Variants in SRSF7 observed in about 807,000 individuals in gnomAD.
SRSF7 encodes serine/arginine-rich splicing factor 7.
SRSF7 carries 15 observed loss-of-function variants against 42.2 expected under a neutral mutation model. The observed-to-expected ratio is 0.36, with a 90% confidence interval of 0.24 to 0.55. SRSF7 has a LOEUF of 0.55. Ranked by LOEUF, SRSF7 falls within the 20% of genes least tolerant of loss-of-function variation. The probability of loss-of-function intolerance (pLI) is 0.88; values close to 1 mark genes in which losing one functional copy is unlikely to be tolerated. For synonymous variants in SRSF7, 138 were observed against 107.9 expected, an observed-to-expected ratio of 1.28 and a Z score of -1.73; for missense variants, 181 against 305.9, an observed-to-expected ratio of 0.59 and a Z score of 3.04.
intron 1 of SRSF7, chr2:38,750,794 G>C (rs759508801): frequency 5.5e-6 from 1 of 181,354 alleles, no homozygotes; most frequent in Admixed American, 5.6e-5. Context: ...TGCCAATTTC[G>C]TTCTATCTCA....
chr2:38,748,239 T>C (rs1667776007), intron 4 of SRSF7, 82 bp from the exon 5 acceptor site: 2 of 1,040,460 alleles, frequency 1.9e-6, no homozygotes, highest in Admixed American at 4.3e-5. Context: ...AACGGTGCAG[T>C]GGCTCATGCC....
chr2:38,751,260 G>C lies in SRSF7; in HGVS notation c.-4C>G. On this transcript the variant is annotated 5_prime_UTR_variant, in exon 1 of 8. Transcript: ENST00000313117. Reference sequence around the variant, plus strand: ...CGTACCGCCCGTAACGCGACATGATGACAGACCCGCGTGCTCGGCTCTTTA... The same window carrying C: ...CGTACCGCCCGTAACGCGACATGATCACAGACCCGCGTGCTCGGCTCTTTA... The C allele has an allele frequency of 6.2e-7, 1 of 1,614,144 alleles. No homozygotes were observed. The highest frequency in any genetic ancestry group is 2.2e-5 in the East Asian group (1 of 44,888).
intron 4 of SRSF7, 138 bp downstream of exon 4, chr2:38,748,441 C>T (rs900418435): frequency 3.6e-6 from 3 of 839,316 alleles, no homozygotes; most frequent in African/African-American, 1.7e-5. Context: ...AGCAGTGAGT[C>T]GTGGTTATGC....
chr2:38,745,298 A>G, intron 7 of SRSF7, 111 bp from the exon 8 acceptor site: 1 of 1,047,182 alleles, frequency 9.5e-7, no homozygotes, highest in East Asian at 2.4e-5. Context: ...AATTTCCTAT[A>G]GCAAAGACCT....
chr2:38,748,840 T>G, intron 3 of SRSF7, 187 bp from the exon 4 acceptor site: 1 of 1,331,430 alleles, frequency 7.5e-7, no homozygotes, highest in Non-Finnish European at 9.9e-7. Flanking sequence ...TGTTAAAAGC[T>G]GAATTACAAC....
intron 5 of SRSF7, 124 bp downstream of exon 5, chr2:38,747,923 A>G: frequency 1.6e-6 from 1 of 642,352 alleles, no homozygotes; most frequent in Non-Finnish European, 2.6e-6. Context: ...AGTTACACAT[A>G]AATTCCAAAC....
chr2:38,751,321 T>A lies in SRSF7; in HGVS notation c.-65A>T. 6.2e-7 allele frequency: 1 copy of A among 1,610,128 alleles called. No homozygotes were observed. The highest frequency in any genetic ancestry group is 1.3e-5 in the African/African-American group (1 of 74,966). On this transcript the variant is annotated 5_prime_UTR_variant, in exon 1 of 8. Transcript: ENST00000313117. ...CCCAGGGCTCGAGTGACGCAAAAGC[T>A]GACACACACCTTCACCCGCCAAGAG... is the stretch of plus-strand genomic sequence containing the variant.
chr2:38,751,102 C>G (rs1668281217), intron 1 of SRSF7, 127 bp downstream of exon 1: 22 of 1,286,456 alleles, frequency 1.7e-5, no homozygotes, highest in Non-Finnish European at 2.5e-5. Context: ...CCGGCTTCGT[C>G]TGGCGTGCTC....
At chr2:38,746,649 T>C (rs1051791992) in intron 6 of SRSF7, 45 bp downstream of exon 6, 11 of 1,606,218 alleles carry the variant, frequency 6.8e-6, no homozygotes, top group Non-Finnish European at 8.5e-6. Flanking sequence ...TCTTTGGATA[T>C]TGGTGCCATA....
chr2:38,748,945 C>A, intron 3 of SRSF7: 5 of 1,319,164 alleles, frequency 3.8e-6, no homozygotes, highest in Non-Finnish European at 4.9e-6. Context: ...TCTAGTAGAT[C>A]TAGACGATCT....
chr2:38,748,142 A>C lies in SRSF7; in HGVS notation c.477T>G (p.Ser159=). The C allele has an allele frequency of 6.4e-5, 104 of 1,613,238 alleles. No homozygotes were observed. The highest frequency in any genetic ancestry group is 8.5e-5 in the Non-Finnish European group (100 of 1,179,488). ...GAGAGATAGATCTTGATCGTCGAGG[A>C]GATGCTGACCTTGACCTAAAATAAA... ...RSRGRRSRSA[S]PRRSRSISLR... Residue 159 remains serine (S), a synonymous_variant, in exon 5 of 8, where the codon TCT becomes TCG. Transcript: ENST00000313117.
At position 38,743,862 on chromosome 2, in the gene SRSF7, A is replaced by G; in HGVS notation, c.*1271T>C. 1 of 152,196 alleles carries G rather than the reference A, an allele frequency of 6.6e-6. No individual in the cohort carries two copies. The highest frequency in any genetic ancestry group is 1.5e-5 in the Non-Finnish European group (1 of 68,010). 9.4% of individuals were successfully genotyped at this position (152,196 alleles called of 1,614,324 possible). On this transcript the variant is annotated 3_prime_UTR_variant, in exon 8 of 8. Transcript: ENST00000313117. ...ATCCAATGACTTTGCTGAAATGCAT[A>G]AAATGGACAAGCCTAGGTATCTGCG...
At chr2:38,746,469 T>C (rs1195279525) in intron 6 of SRSF7, among the ~76,000 whole-genome samples, 1 of 152,190 alleles carries the variant, frequency 6.6e-6, no homozygotes, top group Non-Finnish European at 1.5e-5. Context: ...GCCTCTTTAA[T>C]ATAATCCCCC....
Position 38,745,000 on chromosome 2 carries a change from T to C in SRSF7, c.*133A>G. The C allele has an allele frequency of 2.3e-6, 2 of 852,010 alleles. No homozygotes were observed. The highest frequency in any genetic ancestry group is 3.6e-6 in the Non-Finnish European group (2 of 553,044). 52.8% of individuals were successfully genotyped at this position (852,010 alleles called of 1,614,324 possible). On this transcript the variant is annotated 3_prime_UTR_variant, in exon 8 of 8. Coordinates refer to ENST00000313117, the MANE Select transcript of SRSF7 (RefSeq NM_001031684.3). Reference sequence around the variant, plus strand: ...TTTATATTATCTTACTGCTGTGAATTTACATAGTAATCCAGATCCATTTTG... The same window carrying C: ...TTTATATTATCTTACTGCTGTGAATCTACATAGTAATCCAGATCCATTTTG...
intron 4 of SRSF7, 90 bp from the exon 5 acceptor site, chr2:38,748,247 GC>G: frequency 2.1e-6 from 2 of 956,470 alleles, no homozygotes; most frequent in Non-Finnish European, 3.2e-6. Context: ...AGTGGCTCAT[GC>G]CCATAATCCC....
At position 38,750,106 on chromosome 2, in the gene SRSF7, A is replaced by T; in HGVS notation, c.117T>A (p.Thr39=). Residue 39 remains threonine, a synonymous_variant, in exon 2 of 8, where the codon ACT becomes ACA. Coordinates refer to ENST00000313117, the MANE Select transcript of SRSF7 (RefSeq NM_001031684.3). ...CTGGAGGATTTCTCGCAATCCATAC[A>T]GTTCTTAAAGGACCATAATAACTGA... ...RAFSYYGPLR[T]VWIARNPPGF... is the part of the protein sequence containing the mutation. The T allele has an allele frequency of 6.2e-7, 1 of 1,613,874 alleles. No individual in the cohort carries two copies. The highest frequency in any genetic ancestry group is 1.7e-5 in the Admixed American group (1 of 59,966).
chr2:38,748,838 G>C, intron 3 of SRSF7, 185 bp from the exon 4 acceptor site: 1 of 1,318,706 alleles, frequency 7.6e-7, no homozygotes, highest in Non-Finnish European at 1.0e-6. Context: ...TTTGTTAAAA[G>C]CTGAATTACA....
intron 5 of SRSF7, among the ~76,000 whole-genome samples, chr2:38,747,407 T>C (rs1324083304): frequency 6.6e-6 from 1 of 152,248 alleles, no homozygotes; most frequent in Non-Finnish European, 1.5e-5. Flanking sequence ...TAACTCCCAG[T>C]AGCATTCCGT....
At chr2:38,750,270 A>T (rs1668087321) in intron 1 of SRSF7, 76 bp from the exon 2 acceptor site, 1 of 1,380,692 alleles carries the variant, frequency 7.2e-7, no homozygotes, top group South Asian at 1.4e-5. Context: ...TTTGCCTTAA[A>T]ACGGGCCATC....
Sources: allele counts gnomAD v4.1 joint callset (sites outside exome capture counted in the v4.1 genomes callset), GRCh38; gene constraint gnomAD v4.1.1; transcripts MANE v1.5; gene names NCBI Gene and HGNC (gene_info 2026-07-23, HGNC 2026-07-21).